Variants in MMP16 observed in about 807,000 individuals in gnomAD.
The protein encoded by MMP16 is matrix metallopeptidase 16.
In MMP16, 12 loss-of-function variants were observed where a neutral mutation model predicts 67.8. The observed-to-expected ratio is 0.18, with a 90% CI of 0.11 to 0.29. The LOEUF (loss-of-function observed/expected upper bound fraction) is 0.29. Ranked by LOEUF, MMP16 falls within the 10% of genes least tolerant of loss-of-function variation. The pLI is 1.00. For missense variants in MMP16, 475 were observed against 765.7 expected, an observed-to-expected ratio of 0.62 and a Z score of 4.48; for synonymous variants, 249 against 255.9, an observed-to-expected ratio of 0.97 and a Z score of 0.26.
chr8:88,280,234 A>G (rs142133929), intron 1 of MMP16, among the ~76,000 whole-genome samples: 1 of 152,328 alleles, frequency 6.6e-6, no homozygotes, highest in African/African-American at 2.4e-5. Context: ...TGAAGTTAAT[A>G]CTACAATGCA....
chr8:88,127,206 G>A (rs1484183048), intron 4 of MMP16, among the ~76,000 whole-genome samples: 1 of 151,930 alleles, frequency 6.6e-6, no homozygotes, highest in East Asian at 2.0e-4. Flanking sequence ...GGAGAGTTTT[G>A]AATGCTAGGT....
chr8:88,071,960 T>C (rs778426180), intron 7 of MMP16, among the ~76,000 whole-genome samples: 9 of 151,844 alleles, frequency 5.9e-5, no homozygotes, highest in Non-Finnish European at 1.2e-4. Flanking sequence ...GATAAAACAG[T>C]GTAAAATAAA....
intron 6 of MMP16, among the ~76,000 whole-genome samples, chr8:88,088,325 A>G (rs1808878231): frequency 6.6e-6 from 1 of 151,854 alleles, no homozygotes; most frequent in Admixed American, 6.6e-5. Flanking sequence ...GAGCAAGTGT[A>G]GAGGCCTAAG....
intron 1 of MMP16, among the ~76,000 whole-genome samples, chr8:88,273,248 C>CTTTTTTTTTTTTTTTTTTTT (rs575063640): frequency 7.6e-6 from 1 of 132,326 alleles, no homozygotes; most frequent in Non-Finnish European, 1.6e-5. Context: ...CCATGCCTGG[C>CTTTTTTTTTTTTTTTTTTTT]TTTTTTTTTT....
At chr8:88,313,623 C>T (rs938788191) in intron 1 of MMP16, among the ~76,000 whole-genome samples, 3 of 152,100 alleles carry the variant, frequency 2.0e-5, no homozygotes, top group Admixed American at 6.6e-5. Context: ...TTAAGAAAAG[C>T]GTTATTCTTT....
intron 1 of MMP16, among the ~76,000 whole-genome samples, chr8:88,299,430 C>A (rs1811064327): frequency 6.6e-6 from 1 of 152,102 alleles, no homozygotes; most frequent in African/African-American, 2.4e-5. Flanking sequence ...AAGGAAAGGA[C>A]CATAGGAGAT....
At chr8:88,158,113 A>T (rs1343624810) in intron 4 of MMP16, among the ~76,000 whole-genome samples, 6 of 152,056 alleles carry the variant, frequency 3.9e-5, no homozygotes, top group Admixed American at 6.6e-5. Context: ...GCTATTGTGA[A>T]TAGTGCCACA....
At chr8:88,172,201 A>AT (rs959151801) in intron 3 of MMP16, among the ~76,000 whole-genome samples, 3 of 151,940 alleles carry the variant, frequency 2.0e-5, no homozygotes, top group African/African-American at 7.3e-5. Flanking sequence ...GTAACCCCTC[A>AT]TTTTTTTTAT....
At chr8:88,083,916 T>C (rs1808792758) in intron 6 of MMP16, among the ~76,000 whole-genome samples, 1 of 151,952 alleles carries the variant, frequency 6.6e-6, no homozygotes, top group Non-Finnish European at 1.5e-5. Context: ...AAACAAAAAT[T>C]TTCATGTTGT....
In MMP16 at chr8:88,212,249, T is replaced by C. The variant is rs569891306; in HGVS notation, c.133-14943A>G. Among the ~76,000 whole-genome samples, 4 of 152,186 alleles carry C rather than the reference T, an allele frequency of 2.6e-5. No homozygotes were observed. In the South Asian group the frequency reaches 8.3e-4, roughly 31 times the overall value. On this transcript the variant is annotated intron_variant, in intron 1 of 9. Coordinates refer to ENST00000286614, the MANE Select transcript of MMP16 (RefSeq NM_005941.5). The stretch of plus-strand genomic sequence containing the variant: ...GTATGGAGGACACAGATTCAGGGCC[T>C]GAATAAGATGCCTACGAATTATGAT...
At chr8:88,061,261 A>G (rs1376481598) in intron 7 of MMP16, among the ~76,000 whole-genome samples, 1 of 152,020 alleles carries the variant, frequency 6.6e-6, no homozygotes, top group Non-Finnish European at 1.5e-5. Context: ...TCTATATTTT[A>G]GTCAAATCCC....
intron 7 of MMP16, among the ~76,000 whole-genome samples, chr8:88,056,536 T>C (rs1463479759): frequency 6.6e-6 from 1 of 151,940 alleles, no homozygotes; most frequent in Non-Finnish European, 1.5e-5. Context: ...GTGAGTGAAT[T>C]TAAAAAATAA....
chr8:88,130,155 T>C (rs1808003092), intron 4 of MMP16, among the ~76,000 whole-genome samples: 1 of 151,804 alleles, frequency 6.6e-6, no homozygotes, highest in African/African-American at 2.4e-5. Flanking sequence ...AATGTATGAA[T>C]TTAAAAAATA....
At chr8:88,281,256 G>T (rs536472437) in intron 1 of MMP16, among the ~76,000 whole-genome samples, 30 of 152,062 alleles carry the variant, frequency 2.0e-4, no homozygotes, top group Admixed American at 2.0e-3. Flanking sequence ...ATTCATTTAG[G>T]GCTCATCTTA....
At chr8:88,087,191 T>C (rs1349756566) in intron 6 of MMP16, among the ~76,000 whole-genome samples, 2 of 151,914 alleles carry the variant, frequency 1.3e-5, no homozygotes, top group East Asian at 3.9e-4. Context: ...TAAATTATAA[T>C]TTACATCCAA....
At chr8:88,049,134 G>A (rs1435655825) in intron 8 of MMP16, among the ~76,000 whole-genome samples, 17 of 152,194 alleles carry the variant, frequency 1.1e-4, no homozygotes, top group Admixed American at 1.0e-3. Flanking sequence ...CATCGAAGAT[G>A]AGAACAGATC....
intron 1 of MMP16, among the ~76,000 whole-genome samples, chr8:88,289,199 C>G (rs1810882164): frequency 6.6e-6 from 1 of 151,952 alleles, no homozygotes; most frequent in Non-Finnish European, 1.5e-5. Context: ...CTGCAGCACA[C>G]TGGAGGGATG....
At chr8:88,326,194 G>C (rs947818436) in intron 1 of MMP16, among the ~76,000 whole-genome samples, 1 of 152,146 alleles carries the variant, frequency 6.6e-6, no homozygotes, top group Non-Finnish European at 1.5e-5. Flanking sequence ...TTGTGTTACA[G>C]CCCAGGTGTA....
At chr8:88,255,053 G>T (rs1395425035) in intron 1 of MMP16, among the ~76,000 whole-genome samples, 1 of 152,028 alleles carries the variant, frequency 6.6e-6, no homozygotes, top group Non-Finnish European at 1.5e-5. Flanking sequence ...CGGTGATTTG[G>T]CTTGGATATC....
Sources: allele counts gnomAD v4.1 joint callset (sites outside exome capture counted in the v4.1 genomes callset), GRCh38; gene constraint gnomAD v4.1.1; transcripts MANE v1.5; gene names NCBI Gene and HGNC (gene_info 2026-07-23, HGNC 2026-07-21).